The following TAF3 variants were observed in gnomAD, a reference collection of about 807,000 sequenced individuals.
TAF3 encodes the protein transcription initiation factor TFIID subunit 3.
A neutral mutation model predicts 80.6 loss-of-function variants in TAF3; 7 were observed. The observed-to-expected ratio is 0.09, with a 90% confidence interval of 0.05 to 0.16. TAF3 has a LOEUF of 0.16. Among genes scored for constraint, TAF3 ranks in the 10% least tolerant of loss-of-function variants. TAF3 has a pLI of 1.00. For missense variants in TAF3, 921 were observed against 1,140.2 expected (o/e 0.81, Z 2.77); for synonymous variants, 444 against 446.1 (o/e 1.00, Z 0.06).
At chr10:7,936,136 GACA>G (rs1837917778) in intron 2 of TAF3, among the ~76,000 whole-genome samples, 1 of 152,198 alleles carries the variant, frequency 6.6e-6, no homozygotes, top group East Asian at 1.9e-4. Flanking sequence ...GAACCCAGGG[GACA>G]ACAAGGAAGA....
At chr10:7,931,769 C>A (rs1038556101) in intron 2 of TAF3, among the ~76,000 whole-genome samples, 1 of 152,132 alleles carries the variant, frequency 6.6e-6, no homozygotes, top group African/African-American at 2.4e-5. Flanking sequence ...TTCATTTAAT[C>A]CACAAACATT....
chr10:8,009,263 C>G lies in TAF3; in HGVS notation c.2501C>G (p.Ala834Gly). 6.4e-7 allele frequency: 1 copy of G among 1,556,700 alleles called. No homozygotes were observed. Among genetic ancestry groups the G allele is most frequent in the Non-Finnish European group, 8.7e-7 (1 of 1,154,778 alleles). The change falls in exon 5 of 7, where the codon GCC (alanine) becomes GGC (glycine). Residue 834 changes from alanine (A) to glycine (G), a missense_variant. Around this residue, in one of 6 missense-constraint regions of TAF3, gnomAD observed 743 missense variants for 821.0 expected, o/e 0.90. Transcript: ENST00000344293. The surrounding 1 kb of genome is among the most constrained non-coding windows in gnomAD (Gnocchi z 4.1). ...GPALLPSPGP[A>G]ASGASAKAPV... is the part of the protein sequence containing the mutation. ...GCCCTGCTGCCCTCCCCGGGTCCCGCCGCCTCCGGGGCCAGTGCCAAAGCC... is the reference window on the plus strand; with the variant it reads ...GCCCTGCTGCCCTCCCCGGGTCCCGGCGCCTCCGGGGCCAGTGCCAAAGCC...
chr10:7,954,518 T>G (rs1391509866), intron 2 of TAF3, among the ~76,000 whole-genome samples: 1 of 138,738 alleles, frequency 7.2e-6, no homozygotes, highest in African/African-American at 2.6e-5. Flanking sequence ...CAGAGTGCAC[T>G]CCATAGGCGA....
intron 2 of TAF3, among the ~76,000 whole-genome samples, chr10:7,935,452 C>T (rs1243728158): frequency 2.0e-5 from 3 of 148,606 alleles, no homozygotes; most frequent in Non-Finnish European, 4.5e-5. Flanking sequence ...GGCGTGGTGG[C>T]GGGCGCCTGT....
intron 2 of TAF3, among the ~76,000 whole-genome samples, chr10:7,941,594 C>T (rs1418195569): frequency 2.0e-5 from 3 of 152,228 alleles, no homozygotes; most frequent in African/African-American, 7.2e-5. Flanking sequence ...GCCACTGCCT[C>T]ACTGTATCCT....
chr10:7,979,210 G>T (rs1307802442), intron 4 of TAF3, among the ~76,000 whole-genome samples: 1 of 149,928 alleles, frequency 6.7e-6, no homozygotes, highest in East Asian at 2.0e-4. Context: ...CAGGTGTGGT[G>T]GCAGGTGCCT....
intron 2 of TAF3, among the ~76,000 whole-genome samples, chr10:7,957,794 G>GCTCTCTCTCTCTCTCTCTCTCTCTCT (rs376837630): frequency 7.7e-6 from 1 of 130,670 alleles, no homozygotes; most frequent in African/African-American, 2.9e-5. Context: ...TCTCTAGCGC[G>GCTCTCTCTCTCTCTCTCTCTCTCTCT]CTCTCTCTCT....
Position 7,884,392 on chromosome 10 carries a change from C to CTTTTTTTTT in TAF3, c.409+59835_409+59843dup, listed in dbSNP as rs61498355. On this transcript the variant is annotated intron_variant, in intron 2 of 6. Transcript: ENST00000344293. ...CCGTTTCTCCAAAGAGCTCTGCCTCCTTTTTTTTTTTGAGATGGAGTTTTG... is the reference window on the plus strand; with the variant it reads ...CCGTTTCTCCAAAGAGCTCTGCCTCCTTTTTTTTTTTTTTTTTTTTGAGATGGAGTTTTG... Among the ~76,000 whole-genome samples the CTTTTTTTTT allele has an allele frequency of 5.6e-4, 68 of 120,506 alleles. 5 individuals are homozygous for CTTTTTTTTT. Among genetic ancestry groups the CTTTTTTTTT allele is most frequent in the Admixed American group, 9.7e-4 (10 of 10,326 alleles). The allele number at this position is 120,506 out of a possible 152,430, so 79.1% of individuals were successfully genotyped here. A position where few individuals can be genotyped will look rare whatever the true frequency, so the allele number is the denominator to read the frequency against.
rs186935673 is a variant in TAF3 at position 7,988,328 on chromosome 10, G to A, written c.2315+11005G>A. ...TCCGGGGCTGGGCACAGTGGCTCAC[G>A]CTTATAATCCTAACACTTTGGGAGG... is the stretch of plus-strand genomic sequence containing the variant. On this transcript the variant is annotated intron_variant, in intron 4 of 6. Transcript: ENST00000344293. 1.2e-3 allele frequency among the ~76,000 whole-genome samples: 186 copies of A among 151,900 alleles called. 1 individual carries two copies. Among genetic ancestry groups the A allele is most frequent in the African/African-American group, 4.2e-3 (172 of 41,384 alleles).
chr10:7,866,361 A>G (rs1392202199), intron 2 of TAF3, among the ~76,000 whole-genome samples: 1 of 152,188 alleles, frequency 6.6e-6, no homozygotes, highest in Non-Finnish European at 1.5e-5. Flanking sequence ...CAAGAGAATG[A>G]ACGTAGGGGC....
intron 2 of TAF3, among the ~76,000 whole-genome samples, chr10:7,893,257 T>G (rs113027718): frequency 2.6e-5 from 4 of 152,356 alleles, no homozygotes; most frequent in African/African-American, 9.6e-5. Flanking sequence ...AAGCCCTAGA[T>G]TCCTGAAAGA....
chr10:7,922,043 ATTTGT>A (rs985041827), intron 2 of TAF3, among the ~76,000 whole-genome samples: 4 of 152,100 alleles, frequency 2.6e-5, no homozygotes, highest in African/African-American at 9.6e-5. Context: ...TTATGTTCGT[ATTTGT>A]TTTATGTTAC....
At chr10:7,882,090 A>G (rs1005475487) in intron 2 of TAF3, among the ~76,000 whole-genome samples, 15 of 152,214 alleles carry the variant, frequency 9.9e-5, no homozygotes, top group African/African-American at 1.7e-4. Context: ...GAACACAGCT[A>G]TTTCCTATAC....
At chr10:7,925,029 AT>A (rs1241955224) in intron 2 of TAF3, among the ~76,000 whole-genome samples, 1 of 152,172 alleles carries the variant, frequency 6.6e-6, no homozygotes, top group Non-Finnish European at 1.5e-5. Flanking sequence ...TATATAAATA[AT>A]TTTTTAATTC....
chr10:7,872,213 ATTT>A (rs34945620), intron 2 of TAF3, among the ~76,000 whole-genome samples: 2 of 121,972 alleles, frequency 1.6e-5, no homozygotes, highest in African/African-American at 3.1e-5. Context: ...TGTTGGGTTG[ATTT>A]TTTTTTTTTT....
chr10:7,863,684 T>C lies in TAF3; in HGVS notation c.409+39124T>C, dbSNP rs868007951. On this transcript the variant is annotated intron_variant, in intron 2 of 6. Transcript: ENST00000344293. Reference sequence around the variant, plus strand: ...ATATATATACACACATATATATATATACACACACATATATATATATACACA... The same window carrying C: ...ATATATATACACACATATATATATACACACACACATATATATATATACACA... Among the ~76,000 whole-genome samples the C allele has an allele frequency of 5.5e-3, 367 of 67,070 alleles. 55 individuals are homozygous for C. The highest frequency in any genetic ancestry group is 0.012 in the South Asian group (13 of 1,112). 44.0% of individuals were successfully genotyped at this position (67,070 alleles called of 152,430 possible).
At position 7,977,314 on chromosome 10, in the gene TAF3, A is replaced by G; in HGVS notation, c.2306A>G (p.Gln769Arg). Residue 769 changes from glutamine to arginine, a missense_variant, in exon 4 of 7, where the codon CAA becomes CGA. Physicochemically the swap from Gln to Arg is conservative, Grantham distance 43. Transcript: ENST00000344293. ...PRLTLRVGAG[Q>R]DKIVISKVVP... ...TTAACTCTCCGAGTCGGTGCTGGCC[A>G]AGACAAGATGTAAGTATAAACGTTT... 6.2e-7 allele frequency: 1 copy of G among 1,614,176 alleles called. No homozygotes were observed. The highest frequency in any genetic ancestry group is 8.5e-7 in the Non-Finnish European group (1 of 1,180,012).
chr10:7,867,244 G>A (rs558962047), intron 2 of TAF3, among the ~76,000 whole-genome samples: 59 of 152,080 alleles, frequency 3.9e-4, no homozygotes, highest in African/African-American at 1.2e-3. Flanking sequence ...GGGCAACAGA[G>A]TGAGACTGTC....
intron 2 of TAF3, among the ~76,000 whole-genome samples, chr10:7,928,064 T>G (rs1248285028): frequency 6.6e-6 from 1 of 152,198 alleles, no homozygotes. Flanking sequence ...TCTTTAAAAC[T>G]TGGCTGTAAA....
Sources: allele counts gnomAD v4.1 joint callset (sites outside exome capture counted in the v4.1 genomes callset), GRCh38; gene constraint gnomAD v4.1.1; regional missense constraint gnomAD v4.1.1; non-coding constraint Gnocchi (gnomAD v3.1); transcripts MANE v1.5; gene names NCBI Gene and HGNC (gene_info 2026-07-23, HGNC 2026-07-21).